Variants in LPP observed in about 807,000 individuals in gnomAD.
LPP encodes LIM domain containing preferred translocation partner in lipoma.
In LPP, 38 loss-of-function variants were observed where a neutral mutation model predicts 60.4. The observed-to-expected ratio is 0.63, with a 90% confidence interval of 0.49 to 0.83. The LOEUF (loss-of-function observed/expected upper bound fraction) is 0.83, where lower values mean the gene tolerates loss of function less well. Among genes scored for constraint, LPP ranks in the 40% least tolerant of loss-of-function variants. The pLI is 0.00. For missense variants in LPP, 902 were observed against 783.6 expected (o/e 1.15, Z -1.80); for synonymous variants, 328 against 290.8 (o/e 1.13, Z -1.30).
intron 5 of LPP, among the ~76,000 whole-genome samples, chr3:188,495,836 G>A (rs987931933): frequency 6.6e-6 from 1 of 152,184 alleles, no homozygotes; most frequent in Non-Finnish European, 1.5e-5. Flanking sequence ...GTGAAAGGGA[G>A]TAGAGGATGC....
intron 2 of LPP, among the ~76,000 whole-genome samples, chr3:188,265,801 T>C (rs1221722904): frequency 6.6e-6 from 1 of 151,712 alleles, no homozygotes; most frequent in Non-Finnish European, 1.5e-5. Context: ...GTTGGAGGCT[T>C]CTTTTTTTTT....
intron 2 of LPP, among the ~76,000 whole-genome samples, chr3:188,271,833 G>A (rs1360520642): frequency 6.6e-6 from 1 of 152,112 alleles, no homozygotes; most frequent in Non-Finnish European, 1.5e-5. Flanking sequence ...TCCAGCATTG[G>A]GCTTTAATGG....
chr3:188,546,395 G>A (rs553752439), intron 6 of LPP, among the ~76,000 whole-genome samples: 1 of 150,976 alleles, frequency 6.6e-6, no homozygotes, highest in South Asian at 2.1e-4. Flanking sequence ...CTGGATATCA[G>A]ACTGGATAGG....
chr3:188,777,448 A>G (rs1197983187), intron 9 of LPP, among the ~76,000 whole-genome samples: 2 of 152,214 alleles, frequency 1.3e-5, no homozygotes, highest in South Asian at 4.1e-4. Context: ...AATCATCAGT[A>G]TTTGGGAAAC....
At chr3:188,846,353 T>A (rs750876492) in intron 9 of LPP, among the ~76,000 whole-genome samples, 3 of 152,108 alleles carry the variant, frequency 2.0e-5, no homozygotes, top group Admixed American at 6.5e-5. Flanking sequence ...GTGATAAGGA[T>A]AACATGAAGA....
intron 9 of LPP, among the ~76,000 whole-genome samples, chr3:188,788,095 C>T (rs1742514954): frequency 6.6e-6 from 1 of 152,236 alleles, no homozygotes; most frequent in Non-Finnish European, 1.5e-5. Flanking sequence ...TCAGTATCCC[C>T]TCTTATCCAC....
chr3:188,809,597 T>C (rs1750263908), intron 9 of LPP, among the ~76,000 whole-genome samples: 1 of 152,202 alleles, frequency 6.6e-6, no homozygotes, highest in African/African-American at 2.4e-5. Flanking sequence ...GTCAGATGGA[T>C]AGATTGCAAA....
At chr3:188,753,573 T>TTGTGTG (rs1307749371) in intron 8 of LPP, among the ~76,000 whole-genome samples, 3 of 118,250 alleles carry the variant, frequency 2.5e-5, no homozygotes, top group South Asian at 2.7e-4. Context: ...TTTTGGCTTG[T>TTGTGTG]TGTGTGCGTG....
chr3:188,592,551 G>GTTTTTTTTTTTTTTTTTTTTTTTTTTTTT lies in LPP; in HGVS notation c.430-16605_430-16604insTTTTTTTTTTTTTTTTTTTTTTTTTTTTT, dbSNP rs1553936326. 1.2e-4 allele frequency among the ~76,000 whole-genome samples: 12 copies of GTTTTTTTTTTTTTTTTTTTTTTTTTTTTT among 98,208 alleles called. 1 individual carries two copies. Among genetic ancestry groups the GTTTTTTTTTTTTTTTTTTTTTTTTTTTTT allele is most frequent in the African/African-American group, 2.1e-4 (6 of 28,682 alleles). 64.4% of individuals were successfully genotyped at this position (98,208 alleles called of 152,430 possible). ...AATGAGTATCACTGTTTTTAGTTTT[G>GTTTTTTTTTTTTTTTTTTTTTTTTTTTTT]TTTTTGTTTTTTAAATGGAGTCTCA... On this transcript the variant is annotated intron_variant, in intron 6 of 11. Transcript: ENST00000617246.
chr3:188,740,755 C>A (rs1724126047), intron 8 of LPP, among the ~76,000 whole-genome samples: 1 of 151,872 alleles, frequency 6.6e-6, no homozygotes, highest in Admixed American at 6.6e-5. Flanking sequence ...TAAGAGATTA[C>A]TTCATAGTGA....
In LPP at chr3:188,352,226, C is replaced by T. The variant is rs139849236; in HGVS notation, c.-10+10507C>T. ...TCTGTTAAATACACAATAAAAATAGCTTATGATCTATGGGACTTGGTATTA... is the reference window on the plus strand; with the variant it reads ...TCTGTTAAATACACAATAAAAATAGTTTATGATCTATGGGACTTGGTATTA... On this transcript the variant is annotated intron_variant, in intron 3 of 11. Coordinates refer to ENST00000617246, the MANE Select transcript of LPP (RefSeq NM_001375462.1). The surrounding 1 kb of genome is among the most constrained non-coding windows in gnomAD (Gnocchi z 4.4). Among the ~76,000 whole-genome samples the T allele has an allele frequency of 1.4e-4, 21 of 152,282 alleles. No homozygotes were observed. In the East Asian group the frequency reaches 3.3e-3, roughly 24 times the overall value.
intron 4 of LPP, among the ~76,000 whole-genome samples, chr3:188,470,722 T>C (rs1218604054): frequency 6.6e-6 from 1 of 152,112 alleles, no homozygotes; most frequent in Non-Finnish European, 1.5e-5. Flanking sequence ...TGGGCTCAGA[T>C]AGTGGAGAGG....
chr3:188,541,155 C>T (rs1032001114), intron 6 of LPP, among the ~76,000 whole-genome samples: 6 of 152,206 alleles, frequency 3.9e-5, no homozygotes, highest in Non-Finnish European at 5.9e-5. Context: ...ATTCTTGTCA[C>T]GCTTCACCTA....
intron 2 of LPP, among the ~76,000 whole-genome samples, chr3:188,244,124 G>T (rs571217946): frequency 2.0e-5 from 3 of 152,304 alleles, no homozygotes; most frequent in African/African-American, 7.2e-5. Context: ...GCCTGCCTCG[G>T]CCTGCCAAAG....
At chr3:188,822,965 GT>G (rs1243907904) in intron 9 of LPP, among the ~76,000 whole-genome samples, 1 of 152,088 alleles carries the variant, frequency 6.6e-6, no homozygotes, top group Non-Finnish European at 1.5e-5. Flanking sequence ...ATTAGGGCAG[GT>G]TTTTTTGTGC....
chr3:188,274,361 A>T (rs376414203), intron 2 of LPP, among the ~76,000 whole-genome samples: 1 of 152,240 alleles, frequency 6.6e-6, no homozygotes, highest in African/African-American at 2.4e-5. Flanking sequence ...GTCCTGTCAA[A>T]TAGTCCCAGA....
intron 9 of LPP, among the ~76,000 whole-genome samples, chr3:188,776,729 T>C (rs1737925952): frequency 1.3e-5 from 2 of 152,216 alleles, no homozygotes; most frequent in African/African-American, 2.4e-5. Flanking sequence ...TTTGAGTTCA[T>C]TTGGCTGGTA....
At chr3:188,514,944 T>A (rs180937821) in intron 5 of LPP, among the ~76,000 whole-genome samples, 13 of 152,260 alleles carry the variant, frequency 8.5e-5, no homozygotes, top group Admixed American at 5.2e-4. Flanking sequence ...GCAGGACCAT[T>A]TCCTTTAAAG....
At chr3:188,338,307 A>T (rs1762198857) in intron 2 of LPP, among the ~76,000 whole-genome samples, 1 of 152,196 alleles carries the variant, frequency 6.6e-6, no homozygotes, top group African/African-American at 2.4e-5. Context: ...GTGGTATTTG[A>T]TGACTGGAAT....
Sources: allele counts gnomAD v4.1 joint callset (sites outside exome capture counted in the v4.1 genomes callset), GRCh38; gene constraint gnomAD v4.1.1; non-coding constraint Gnocchi (gnomAD v3.1); transcripts MANE v1.5; gene names NCBI Gene and HGNC (gene_info 2026-07-23, HGNC 2026-07-21).